The following GALNT14 variants were observed in gnomAD, a reference collection of about 807,000 sequenced individuals.
GALNT14 encodes the protein UDP-GalNAc:polypeptide N-acetylgalactosaminyltransferase 14.
In GALNT14, 60 loss-of-function variants were observed where a neutral mutation model predicts 77.5. The observed-to-expected ratio is 0.77, with a 90% CI of 0.63 to 0.96. The LOEUF is 0.96. Among genes scored for constraint, GALNT14 ranks in the 40% least tolerant of loss-of-function variants. The pLI is 0.00. For synonymous variants in GALNT14, 280 were observed against 281.7 expected (o/e 0.99, Z 0.06); for missense variants, 710 against 731.0 (o/e 0.97, Z 0.33).
chr2:30,895,017 C>A, the GALNT14 span, among the ~76,000 whole-genome samples: 1 of 152,188 alleles, frequency 6.6e-6, no homozygotes, highest in Admixed American at 6.5e-5. Flanking sequence ...GCTTCATGAC[C>A]CCACAGAAAG....
chr2:30,961,882 G>A (rs746074673), intron 3 of GALNT14, among the ~76,000 whole-genome samples: 1 of 151,880 alleles, frequency 6.6e-6, no homozygotes, highest in Admixed American at 6.6e-5. Flanking sequence ...TAGTAGAGAC[G>A]GGGTTTCACC....
intron 1 of GALNT14, among the ~76,000 whole-genome samples, chr2:31,050,535 G>C (rs1573245001): frequency 6.6e-6 from 1 of 152,246 alleles, no homozygotes; most frequent in African/African-American, 2.4e-5. Context: ...CAACGTGGGG[G>C]CCTGGATCAG....
intron 1 of GALNT14, among the ~76,000 whole-genome samples, chr2:31,077,093 T>C (rs1421384340): frequency 6.6e-6 from 1 of 152,182 alleles, no homozygotes; most frequent in Admixed American, 6.5e-5. Flanking sequence ...CTGCAGAAAA[T>C]GTGCTACGCT....
At chr2:30,951,852 G>T (rs1312343612) in intron 6 of GALNT14, among the ~76,000 whole-genome samples, 2 of 152,140 alleles carry the variant, frequency 1.3e-5, no homozygotes, top group Admixed American at 1.3e-4. Context: ...TATCCAAAGA[G>T]ACCTGGGGCC....
chr2:30,966,388 A>T (rs1365544278), intron 2 of GALNT14, 86 bp from the exon 3 acceptor site: 2 of 924,126 alleles, frequency 2.2e-6, no homozygotes, highest in East Asian at 5.1e-5. Context: ...CTGGGTGGGC[A>T]TCCCTATGCC....
At chr2:31,137,246 G>A (rs1679265454) in intron 1 of GALNT14, among the ~76,000 whole-genome samples, 1 of 152,216 alleles carries the variant, frequency 6.6e-6, no homozygotes, top group South Asian at 2.1e-4. Flanking sequence ...GAATCTGAAG[G>A]TAAGAGTGAG....
chr2:30,953,771 C>T (rs1206218506), intron 6 of GALNT14, among the ~76,000 whole-genome samples: 1 of 152,192 alleles, frequency 6.6e-6, no homozygotes, highest in African/African-American at 2.4e-5. Flanking sequence ...CAGCCCATTC[C>T]AACCCTTGGG....
Position 30,924,298 on chromosome 2 carries a change from CT to C in GALNT14, c.1236-36del, listed in dbSNP as rs774430273. The C allele has an allele frequency of 3.0e-4, 480 of 1,611,034 alleles. 4 individuals carry two copies. The highest frequency in any genetic ancestry group is 2.2e-3 in the South Asian group (203 of 90,950). ...AGTCACAGGGAGAGAGGAGAGTCCA[CT>C]GCTCATTGGATTAGCAAGACTACCA... On this transcript the variant is annotated intron_variant, in intron 12 of 14. Coordinates refer to ENST00000349752, the MANE Select transcript of GALNT14 (RefSeq NM_024572.4).
At chr2:31,007,931 G>A (rs898617073) in intron 1 of GALNT14, among the ~76,000 whole-genome samples, 1 of 152,114 alleles carries the variant, frequency 6.6e-6, no homozygotes, top group African/African-American at 2.4e-5. Context: ...CAGTGGCAGG[G>A]ATCCAAAGCT....
chr2:30,974,853 A>T (rs1283665236), intron 2 of GALNT14, among the ~76,000 whole-genome samples: 1 of 152,236 alleles, frequency 6.6e-6, no homozygotes, highest in African/African-American at 2.4e-5. Context: ...ATGACTAAAC[A>T]TACTAGACAT....
chr2:31,044,039 T>C (rs1025736265), intron 1 of GALNT14, among the ~76,000 whole-genome samples: 1 of 152,226 alleles, frequency 6.6e-6, no homozygotes, highest in African/African-American at 2.4e-5. Flanking sequence ...TACTGTACTC[T>C]GTCAAGGCAC....
chr2:31,016,921 G>A (rs115702448), intron 1 of GALNT14, among the ~76,000 whole-genome samples: 268 of 152,276 alleles, frequency 1.8e-3, no homozygotes, highest in African/African-American at 6.2e-3. Context: ...AAGGGATCAC[G>A]AGGTGTTAGC....
intron 1 of GALNT14, among the ~76,000 whole-genome samples, chr2:31,059,998 T>A (rs975818845): frequency 6.6e-6 from 1 of 152,250 alleles, no homozygotes; most frequent in African/African-American, 2.4e-5. Flanking sequence ...CTTGAATGTT[T>A]AGTATTTACA....
At chr2:31,107,838 T>C (rs1052360123) in intron 1 of GALNT14, among the ~76,000 whole-genome samples, 4 of 152,138 alleles carry the variant, frequency 2.6e-5, no homozygotes, top group Non-Finnish European at 5.9e-5. Flanking sequence ...GCTGATGATT[T>C]CACCTCGGTC....
chr2:30,913,561 G>C (rs1213644238), intron 13 of GALNT14, among the ~76,000 whole-genome samples: 1 of 152,144 alleles, frequency 6.6e-6, no homozygotes, highest in Admixed American at 6.5e-5. Context: ...TCTGGGACCT[G>C]GGTGGTTCGG....
chr2:31,120,670 C>T (rs912786718), intron 1 of GALNT14, among the ~76,000 whole-genome samples: 2 of 152,184 alleles, frequency 1.3e-5, no homozygotes, highest in African/African-American at 2.4e-5. Flanking sequence ...GATTCTCCTG[C>T]CTCAGCCTCC....
chr2:31,137,876 G>A lies in GALNT14; in HGVS notation c.129+82C>T. ...ACCCAGACCCTCGCCCTGGTTTCCC[G>A]GGAGCCCGCAAACCCGGCACGCGGG... On this transcript the variant is annotated intron_variant, in intron 1 of 14. Transcript: ENST00000349752. 4.0e-6 allele frequency: 6 copies of A among 1,517,172 alleles called. No individual in the cohort carries two copies. The South Asian group carries it at 6.2e-5, about 16-fold the overall frequency. 94.0% of individuals were successfully genotyped at this position (1,517,172 alleles called of 1,614,324 possible).
chr2:30,927,269 C>T (rs988298948), intron 11 of GALNT14, among the ~76,000 whole-genome samples: 2 of 152,130 alleles, frequency 1.3e-5, no homozygotes, highest in Non-Finnish European at 2.9e-5. Context: ...TTGAAACTCC[C>T]CAGGGAACTC....
intron 2 of GALNT14, among the ~76,000 whole-genome samples, chr2:30,968,506 CA>C (rs1453983262): frequency 1.3e-5 from 2 of 152,236 alleles, no homozygotes; most frequent in African/African-American, 4.8e-5. Context: ...GACACTCGAG[CA>C]GCCCTGTCTA....
Sources: allele counts gnomAD v4.1 joint callset (sites outside exome capture counted in the v4.1 genomes callset), GRCh38; gene constraint gnomAD v4.1.1; transcripts MANE v1.5; gene names NCBI Gene and HGNC (gene_info 2026-07-23, HGNC 2026-07-21).